BRAF: variants seen among roughly 807,000 people sequenced by gnomAD.
BRAF encodes B-Raf proto-oncogene, serine/threonine kinase.
BRAF carries 16 observed loss-of-function variants against 104.6 expected under a neutral mutation model. That is an observed-to-expected ratio of 0.15 (90% CI 0.10 to 0.23). The LOEUF (loss-of-function observed/expected upper bound fraction) is 0.23, where lower values mean the gene tolerates loss of function less well. BRAF is among the 10% of genes least tolerant of loss of function. The probability of loss-of-function intolerance (pLI) is 1.00; values close to 1 mark genes in which losing one functional copy is unlikely to be tolerated. For missense variants in BRAF, 541 were observed against 937.3 expected (o/e 0.58, Z 5.52); for synonymous variants, 310 against 341.6 (o/e 0.91, Z 1.02).
chr7:140,850,095 A>G lies in BRAF; in HGVS notation c.240+16T>C, dbSNP rs1808999712. The G allele has an allele frequency of 6.5e-7, 1 of 1,543,908 alleles. No homozygotes were observed. The highest frequency in any genetic ancestry group is 1.7e-5 in the Admixed American group (1 of 59,846). On this transcript the variant is annotated intron_variant, in intron 2 of 19. Transcript: ENST00000644969. The stretch of plus-strand genomic sequence containing the variant: ...TTTCTTTTCAAAATTACTAGATATG[A>G]TACTCAAAAGCTTACCTCCAGATAT...
At chr7:140,779,643 C>G (rs1800661346) in intron 12 of BRAF, among the ~76,000 whole-genome samples, 1 of 152,060 alleles carries the variant, frequency 6.6e-6, no homozygotes, top group Non-Finnish European at 1.5e-5. Context: ...ATTAAAGATA[C>G]CCAACCTGGC....
intron 3 of BRAF, among the ~76,000 whole-genome samples, chr7:140,823,361 T>C (rs1379217214): frequency 2.0e-5 from 3 of 152,142 alleles, no homozygotes; most frequent in Non-Finnish European, 4.4e-5. Context: ...CATTCTACTC[T>C]GTGTCTCTGT....
chr7:140,792,610 A>G (rs1040919552), intron 8 of BRAF, among the ~76,000 whole-genome samples: 4 of 152,158 alleles, frequency 2.6e-5, no homozygotes, highest in African/African-American at 7.2e-5. Flanking sequence ...TCTCTGCTCA[A>G]TGTTCCTAGA....
At chr7:140,863,184 TA>T (rs547945134) in intron 1 of BRAF, among the ~76,000 whole-genome samples, 46 of 145,708 alleles carry the variant, frequency 3.2e-4, no homozygotes, top group East Asian at 6.0e-4. Context: ...TTCACCAGGT[TA>T]AAAAAAAAAA....
Position 140,745,254 on chromosome 7 carries a change from C to CT in BRAF, c.2112+4032dup, listed in dbSNP as rs143692530. ...ATTACATTCTTTGCAATTATTTAAA[C>CT]TTAAGATAAAAACTTTTAGATGCCA... On this transcript the variant is annotated intron_variant, in intron 17 of 19. Transcript: ENST00000644969. Among the ~76,000 whole-genome samples the CT allele has an allele frequency of 5.5e-3, 839 of 151,992 alleles. 6 individuals carry two copies. The highest frequency in any genetic ancestry group is 0.019 in the African/African-American group (798 of 41,470).
At chr7:140,821,049 G>A (rs1325966092) in intron 3 of BRAF, among the ~76,000 whole-genome samples, 2 of 152,190 alleles carry the variant, frequency 1.3e-5, no homozygotes, top group African/African-American at 4.8e-5. Context: ...TGCTCAGGCT[G>A]GAGTGCAGCA....
At chr7:140,860,612 T>C (rs1223247271) in intron 1 of BRAF, among the ~76,000 whole-genome samples, 3 of 152,068 alleles carry the variant, frequency 2.0e-5, no homozygotes, top group African/African-American at 4.8e-5. Flanking sequence ...GAATGCATTA[T>C]TGCACTCCCA....
At chr7:140,891,284 C>G (rs1465978274) in intron 1 of BRAF, among the ~76,000 whole-genome samples, 2 of 152,162 alleles carry the variant, frequency 1.3e-5, no homozygotes, top group African/African-American at 4.8e-5. Flanking sequence ...AAGGAGTATA[C>G]AGTCATTCCT....
intron 1 of BRAF, among the ~76,000 whole-genome samples, chr7:140,902,776 A>G (rs1162371774): frequency 6.6e-6 from 1 of 152,236 alleles, no homozygotes; most frequent in African/African-American, 2.4e-5. Context: ...GAATTAAAAG[A>G]AAAATAGTTT....
chr7:140,924,629 G>C lies in BRAF; in HGVS notation c.75C>G (p.Pro25=), dbSNP rs1200645704. The C allele has an allele frequency of 7.3e-6, 11 of 1,514,386 alleles. No homozygotes were observed. Among genetic ancestry groups the C allele is most frequent in the Admixed American group, 4.0e-5 (2 of 50,412 alleles). The allele number at this position is 1,514,386 out of a possible 1,614,324, so 93.8% of individuals were successfully genotyped here. Residue 25 remains proline, a synonymous_variant, in exon 1 of 20, where the codon CCC becomes CCG. Coordinates refer to ENST00000644969, the MANE Select transcript of BRAF (RefSeq NM_001374258.1). This position sits in a 1 kb window ranked among gnomAD's most constrained non-coding sequence, Gnocchi z 4.2. ...CGGCGCCGGCGCCGGCGCCGGCCTC[G>C]GGCTCCATGTCCCCGTTGAACAGAG... The part of the protein sequence containing the change: ...GQALFNGDME[P]EAGAGAGAAA...
chr7:140,812,759 G>A (rs1171062548), intron 3 of BRAF, among the ~76,000 whole-genome samples: 1 of 152,108 alleles, frequency 6.6e-6, no homozygotes, highest in Non-Finnish European at 1.5e-5. Context: ...GTGCGAATAA[G>A]ATAAAGGCAA....
At chr7:140,857,514 G>A (rs934634135) in intron 1 of BRAF, among the ~76,000 whole-genome samples, 1 of 152,134 alleles carries the variant, frequency 6.6e-6, no homozygotes, top group Non-Finnish European at 1.5e-5. Context: ...CACAGATGGA[G>A]AATCTAGAGA....
chr7:140,847,833 T>C (rs1808740869), intron 2 of BRAF, among the ~76,000 whole-genome samples: 1 of 152,166 alleles, frequency 6.6e-6, no homozygotes, highest in African/African-American at 2.4e-5. Flanking sequence ...ATGGAGTCTG[T>C]ATGACTCCAT....
rs184804021 is a variant in BRAF at position 140,734,381 on chromosome 7, A to G, written c.2401+236T>C. 3.2e-5 allele frequency: 45 copies of G among 1,394,010 alleles called. No individual in the cohort carries two copies. In the African/African-American group the frequency reaches 5.5e-4, roughly 17 times the overall value. The allele number at this position is 1,394,010 out of a possible 1,614,324, so 86.4% of individuals were successfully genotyped here. ...GAAGAGGCTCTGCCAATTTTTAGCA[A>G]TGTCTATGTATTTTAACCCTTGGAT... On this transcript the variant is annotated intron_variant, in intron 19 of 19. Transcript: ENST00000644969.
chr7:140,755,270 T>C (rs1404598442), intron 14 of BRAF, among the ~76,000 whole-genome samples: 2 of 152,226 alleles, frequency 1.3e-5, no homozygotes, highest in Non-Finnish European at 2.9e-5. Context: ...GTTATTTTTC[T>C]TAATTGAATA....
At chr7:140,857,885 A>G (rs1209236180) in intron 1 of BRAF, among the ~76,000 whole-genome samples, 1 of 152,168 alleles carries the variant, frequency 6.6e-6, no homozygotes, top group East Asian at 1.9e-4. Context: ...TCAAAATTCC[A>G]TAAAAATTAA....
At chr7:140,753,451 T>C in intron 15 of BRAF, 58 bp from the exon 15 acceptor site, 1 of 1,118,896 alleles carries the variant, frequency 8.9e-7, no homozygotes, top group Non-Finnish European at 1.4e-6. Flanking sequence ...AGAGCAAGCA[T>C]TATGAAGAGT....
At chr7:140,908,992 T>TC (rs200033429) in intron 1 of BRAF, among the ~76,000 whole-genome samples, 1,479 of 146,432 alleles carry the variant, frequency 0.01, 48 homozygotes, top group African/African-American at 0.036. Context: ...ACGTTTTCTT[T>TC]TTTTTTTTTT....
intron 3 of BRAF, among the ~76,000 whole-genome samples, chr7:140,829,449 C>A (rs180760961): frequency 2.6e-5 from 4 of 151,526 alleles, no homozygotes; most frequent in East Asian, 1.9e-4. Flanking sequence ...TATGCCAGCA[C>A]CAAAAATTAA....
Sources: gnomAD v4.1 joint callset for allele counts (sites outside exome capture counted in the v4.1 genomes callset) on GRCh38, gnomAD v4.1.1 for gene constraint, Gnocchi (gnomAD v3.1) non-coding constraint, MANE v1.5 for transcripts, NCBI Gene and HGNC (gene_info 2026-07-23, HGNC 2026-07-21) for gene names.